Variants in MND1 observed in about 807,000 individuals in gnomAD.
MND1 encodes meiotic nuclear divisions 1.
In MND1, 28 loss-of-function variants were observed where a neutral mutation model predicts 35.1. The ratio of observed to expected loss-of-function variants is 0.80; its 90% CI spans 0.59 to 1.09. MND1 has a LOEUF of 1.09. MND1 is among the 50% of genes least tolerant of loss of function. MND1 has a pLI of 0.00. For synonymous variants in MND1, 69 were observed against 70.5 expected, an observed-to-expected ratio of 0.98 and a Z score of 0.11; for missense variants, 213 against 239.6, an observed-to-expected ratio of 0.89 and a Z score of 0.73.
At chr4:153,375,347 C>G (rs1225120979) in intron 4 of MND1, among the ~76,000 whole-genome samples, 4 of 152,116 alleles carry the variant, frequency 2.6e-5, no homozygotes, top group Admixed American at 6.6e-5. Flanking sequence ...GCTGCTAACT[C>G]TATTTTATGT....
Position 153,346,815 on chromosome 4 carries a change from G to A in MND1, c.3+2075G>A, listed in dbSNP as rs532512895. Among the ~76,000 whole-genome samples, 5 of 152,276 alleles carry A rather than the reference G, an allele frequency of 3.3e-5. 1 individual carries two copies. The East Asian group carries it at 7.7e-4, about 24-fold the overall frequency. ...AGATTCTTGTGGAGTGCAAGGAGCT[G>A]TTTCGAATATCAAAATGTTAGGAGT... On this transcript the variant is annotated intron_variant, in intron 1 of 7. Coordinates refer to ENST00000240488, the MANE Select transcript of MND1 (RefSeq NM_032117.4).
At chr4:153,348,862 G>T (rs141410464) in intron 1 of MND1, among the ~76,000 whole-genome samples, 2 of 152,184 alleles carry the variant, frequency 1.3e-5, no homozygotes, top group African/African-American at 4.8e-5. Context: ...ACTCCAGTAT[G>T]TAGCCAGAAT....
chr4:153,384,518 C>T (rs1392686713), intron 4 of MND1, among the ~76,000 whole-genome samples: 4 of 137,348 alleles, frequency 2.9e-5, no homozygotes, highest in East Asian at 4.6e-4. Flanking sequence ...GTCTCAAACT[C>T]CTGGCCTCAA....
chr4:153,414,711 T>C lies in MND1; in HGVS notation c.512-40T>C, dbSNP rs547905544. 32 of 875,676 alleles carry C rather than the reference T, an allele frequency of 3.7e-5. No homozygotes were observed. In the East Asian group the frequency reaches 8.3e-4, roughly 23 times the overall value. The allele number at this position is 875,676 out of a possible 1,614,324, so 54.2% of individuals were successfully genotyped here. ...TAATTATACTTGAAATGTTTTATGA[T>C]TGTGTTTTTCTCAAAATTATTTCTC... is the stretch of plus-strand genomic sequence containing the variant. On this transcript the variant is annotated intron_variant, in intron 7 of 7. Transcript: ENST00000240488.
chr4:153,354,239 T>G (rs1415785653), intron 2 of MND1, among the ~76,000 whole-genome samples: 1 of 152,186 alleles, frequency 6.6e-6, no homozygotes, highest in Non-Finnish European at 1.5e-5. Context: ...CATGTATATG[T>G]GAATGATTGA....
At chr4:153,412,657 T>C (rs569334476) in intron 7 of MND1, among the ~76,000 whole-genome samples, 1 of 146,172 alleles carries the variant, frequency 6.8e-6, no homozygotes, top group East Asian at 2.1e-4. Flanking sequence ...TAATTTTTTT[T>C]GTATTTTTAG....
chr4:153,391,250 G>A (rs571161701), intron 4 of MND1, among the ~76,000 whole-genome samples: 105 of 151,962 alleles, frequency 6.9e-4, no homozygotes, highest in African/African-American at 2.5e-3. Context: ...TGCAACCTCT[G>A]CCTCCCAGGT....
At chr4:153,386,050 G>A (rs1238470944) in intron 4 of MND1, among the ~76,000 whole-genome samples, 1 of 152,182 alleles carries the variant, frequency 6.6e-6, no homozygotes, top group Non-Finnish European at 1.5e-5. Context: ...CATCTTGCGT[G>A]GGATTTTGAT....
In MND1 at chr4:153,408,932, AT is replaced by A. The variant is rs199571054; in HGVS notation, c.467-38del. 5.2e-4 allele frequency: 367 copies of A among 711,492 alleles called. 3 individuals are homozygous for A. The African/African-American group carries it at 5.2e-3, about 10-fold the overall frequency. 44.1% of individuals were successfully genotyped at this position (711,492 alleles called of 1,614,324 possible). Reference sequence around the variant, plus strand: ...TGTGTGTATATATATATATATATATATAAATACATTTCATTTTATATATATA... The same window carrying A: ...TGTGTGTATATATATATATATATATAAAATACATTTCATTTTATATATATA... On this transcript the variant is annotated intron_variant, in intron 6 of 7. Transcript: ENST00000240488.
At chr4:153,348,518 C>G (rs1171999950) in intron 1 of MND1, among the ~76,000 whole-genome samples, 4 of 152,052 alleles carry the variant, frequency 2.6e-5, no homozygotes, top group Non-Finnish European at 5.9e-5. Context: ...GTAGCCAAAC[C>G]CAGCAGAAAA....
intron 2 of MND1, among the ~76,000 whole-genome samples, chr4:153,350,966 A>AC (rs1008481917): frequency 2.3e-4 from 35 of 151,592 alleles, no homozygotes; most frequent in Middle Eastern, 3.4e-3. Context: ...AAAAAAAAAA[A>AC]AAACAAACAA....
chr4:153,345,384 C>T, intron 1 of MND1: 1 of 985,568 alleles, frequency 1.0e-6, no homozygotes, highest in Non-Finnish European at 1.2e-6. Context: ...CCGGTTTCTG[C>T]CAAAGGGCAG....
chr4:153,345,569 A>G, intron 1 of MND1: 1 of 981,584 alleles, frequency 1.0e-6, no homozygotes, highest in Non-Finnish European at 1.2e-6. Context: ...TAAACCTTCA[A>G]AGTTTCATGC....
At chr4:153,384,637 T>A (rs1192670345) in intron 4 of MND1, among the ~76,000 whole-genome samples, 1 of 151,856 alleles carries the variant, frequency 6.6e-6, no homozygotes, top group Middle Eastern at 3.2e-3. Context: ...CTAGTTGAGG[T>A]ACTAGTCACT....
chr4:153,369,706 G>T (rs1447852975), intron 4 of MND1, among the ~76,000 whole-genome samples: 1 of 151,222 alleles, frequency 6.6e-6, no homozygotes, highest in Non-Finnish European at 1.5e-5. Context: ...CTGAAGGGTA[G>T]ATGGCTATAG....
chr4:153,351,622 C>G (rs1316036850), intron 2 of MND1, among the ~76,000 whole-genome samples: 2 of 152,124 alleles, frequency 1.3e-5, no homozygotes, highest in African/African-American at 4.8e-5. Context: ...AAGCAAATCG[C>G]CAATAATGGT....
chr4:153,345,168 C>A (rs1003516616), intron 1 of MND1, among the ~76,000 whole-genome samples: 1 of 152,214 alleles, frequency 6.6e-6, no homozygotes, highest in African/African-American at 2.4e-5. Context: ...TGTAGCCCCC[C>A]CCATTAAGAA....
chr4:153,371,596 C>T (rs964518334), intron 4 of MND1, among the ~76,000 whole-genome samples: 1 of 152,104 alleles, frequency 6.6e-6, no homozygotes, highest in Non-Finnish European at 1.5e-5. Flanking sequence ...CACCTCTCAG[C>T]CTACAGAGAA....
chr4:153,409,932 A>T (rs1349203710), intron 7 of MND1, among the ~76,000 whole-genome samples: 11 of 152,244 alleles, frequency 7.2e-5, no homozygotes, highest in Admixed American at 6.5e-5. Context: ...ATACGAATCC[A>T]AGGTGATTTC....
Sources: gnomAD v4.1 joint callset for allele counts (sites outside exome capture counted in the v4.1 genomes callset) on GRCh38, gnomAD v4.1.1 for gene constraint, MANE v1.5 for transcripts, NCBI Gene and HGNC (gene_info 2026-07-23, HGNC 2026-07-21) for gene names.